Variants in UBE2L6 observed in about 807,000 individuals in gnomAD.
The protein encoded by UBE2L6 is ubiquitin conjugating enzyme E2 L6.
A neutral mutation model predicts 13.6 loss-of-function variants in UBE2L6; 11 were observed. That is an observed-to-expected ratio of 0.81 (90% confidence interval 0.51 to 1.34). The LOEUF is 1.34. UBE2L6 is among the 40% of genes most tolerant of loss of function. The pLI, the probability that UBE2L6 is intolerant of heterozygous loss-of-function variation, is 0.00. For synonymous variants in UBE2L6, 74 were observed against 83.2 expected, an observed-to-expected ratio of 0.89 and a Z score of 0.60; for missense variants, 197 against 199.5, an observed-to-expected ratio of 0.99 and a Z score of 0.07.
chr11:57,562,548 C>A (rs1945055257), intron 1 of UBE2L6, among the ~76,000 whole-genome samples: 1 of 152,230 alleles, frequency 6.6e-6, no homozygotes, highest in Admixed American at 6.5e-5. Flanking sequence ...TGGCTTCAGG[C>A]CTGACCCAGT....
chr11:57,566,890 T>G lies in UBE2L6; in HGVS notation c.27+695A>C, dbSNP rs1590812416. The G allele has an allele frequency of 9.5e-6, 4 of 421,382 alleles. No homozygotes were observed. The East Asian group carries it at 2.1e-4, about 23-fold the overall frequency. The allele number at this position is 421,382 out of a possible 1,614,324, so 26.1% of individuals were successfully genotyped here. ...CATCCTTCCAGATCTTATTTCAAAT[T>G]GTGTCCCTGATAGGAACAAAATTCA... On this transcript the variant is annotated intron_variant, in intron 1 of 3. Coordinates refer to ENST00000287156, the MANE Select transcript of UBE2L6 (RefSeq NM_004223.5).
chr11:57,554,134 C>G (rs953101226), intron 3 of UBE2L6, among the ~76,000 whole-genome samples: 2 of 152,144 alleles, frequency 1.3e-5, no homozygotes, highest in African/African-American at 4.8e-5. Flanking sequence ...GAAAACTTGC[C>G]CAAAGTCCAC....
intron 1 of UBE2L6, 138 bp downstream of exon 1, chr11:57,567,447 G>T (rs1945101480): frequency 2.4e-6 from 3 of 1,240,052 alleles, no homozygotes; most frequent in East Asian, 2.6e-5. Flanking sequence ...AGAGGGCGGG[G>T]AGGACAGGGA....
intron 2 of UBE2L6, among the ~76,000 whole-genome samples, chr11:57,559,773 GAA>G (rs34890600): frequency 2.0e-5 from 3 of 152,034 alleles, no homozygotes; most frequent in African/African-American, 7.2e-5. Context: ...ATAATCGGAT[GAA>G]AAAAAGAGAG....
intron 2 of UBE2L6, among the ~76,000 whole-genome samples, chr11:57,555,578 GTGTT>G (rs201296116): frequency 0.029 from 4,341 of 152,278 alleles, 79 homozygotes; most frequent in Non-Finnish European, 0.044. Context: ...GCAACAATGT[GTGTT>G]TGTTTGTTTA....
intron 1 of UBE2L6, among the ~76,000 whole-genome samples, chr11:57,563,061 C>T (rs1228293951): frequency 6.6e-6 from 1 of 152,152 alleles, no homozygotes; most frequent in Non-Finnish European, 1.5e-5. Context: ...ACAGAGAAAT[C>T]AAAATAGCTG....
intron 1 of UBE2L6, among the ~76,000 whole-genome samples, chr11:57,563,775 G>A (rs1411249236): frequency 3.3e-5 from 5 of 151,450 alleles, no homozygotes; most frequent in Middle Eastern, 3.4e-3. Flanking sequence ...GGTGGTGGGC[G>A]CCTGTAGTCC....
chr11:57,566,956 C>CG lies in UBE2L6; in HGVS notation c.27+628_27+629insC, dbSNP rs1565161828. ...GTGTTCATCTCTGCCCGCCCCCCCC[C>CG]CCCTCCTAGAACAGGGCCAGCACAT... On this transcript the variant is annotated intron_variant, in intron 1 of 3. Coordinates refer to ENST00000287156, the MANE Select transcript of UBE2L6 (RefSeq NM_004223.5). 6.7e-3 allele frequency: 1,416 copies of CG among 212,642 alleles called. 3 individuals carry two copies. The highest frequency in any genetic ancestry group is 0.011 in the Middle Eastern group (17 of 1,526). 13.2% of individuals were successfully genotyped at this position (212,642 alleles called of 1,614,324 possible).
chr11:57,552,354 T>C lies in UBE2L6; in HGVS notation c.*4A>G, dbSNP rs1944965322. 17 of 1,614,066 alleles carry C rather than the reference T, an allele frequency of 1.1e-5. No individual in the cohort carries two copies. The South Asian group carries it at 1.4e-4, about 14-fold the overall frequency. ...ATCCAGTGCACAGAGGGTCAGAACA[T>C]GAGTTAGGAGGGCCGGTCCACTCCG... On this transcript the variant is annotated 3_prime_UTR_variant, in exon 4 of 4. Coordinates refer to ENST00000287156, the MANE Select transcript of UBE2L6 (RefSeq NM_004223.5).
At chr11:57,565,137 G>A (rs934728067) in intron 1 of UBE2L6, among the ~76,000 whole-genome samples, 12 of 151,816 alleles carry the variant, frequency 7.9e-5, no homozygotes, top group African/African-American at 2.7e-4. Context: ...AGCTACTCAG[G>A]AGGCTGAGGC....
intron 1 of UBE2L6, among the ~76,000 whole-genome samples, chr11:57,561,612 A>C (rs1384315549): frequency 6.6e-6 from 1 of 152,210 alleles, no homozygotes; most frequent in African/African-American, 2.4e-5. Flanking sequence ...CAGATGGGAA[A>C]CATAAGTACA....
At chr11:57,557,395 C>CTTTTTTT (rs35413834) in intron 2 of UBE2L6, among the ~76,000 whole-genome samples, 1 of 131,744 alleles carries the variant, frequency 7.6e-6, no homozygotes. Flanking sequence ...TGCCATGCTT[C>CTTTTTTT]TTTTTTTTTT....
chr11:57,567,878 C>T (rs892792281), upstream of UBE2L6: 24 of 410,848 alleles, frequency 5.8e-5, no homozygotes, highest in Middle Eastern at 6.5e-4. Flanking sequence ...GGGCGGGCCT[C>T]GGGGCGCACG....
intron 1 of UBE2L6, among the ~76,000 whole-genome samples, chr11:57,566,650 G>A (rs1460907156): frequency 1.3e-5 from 2 of 152,150 alleles, no homozygotes; most frequent in Non-Finnish European, 2.9e-5. Context: ...GGCCAAGCCT[G>A]CTCTGGGCAT....
At chr11:57,557,060 C>CTT (rs943846021) in intron 2 of UBE2L6, among the ~76,000 whole-genome samples, 1 of 149,346 alleles carries the variant, frequency 6.7e-6, no homozygotes, top group Non-Finnish European at 1.5e-5. Context: ...GAGTGAGACT[C>CTT]TGTCACCAAA....
At chr11:57,565,274 G>A (rs979509509) in intron 1 of UBE2L6, among the ~76,000 whole-genome samples, 2 of 145,620 alleles carry the variant, frequency 1.4e-5, no homozygotes, top group Non-Finnish European at 3.0e-5. Flanking sequence ...AAGGGAGAGA[G>A]AAAGAAAGAA....
chr11:57,567,911 G>T, upstream of UBE2L6: 1 of 356,724 alleles, frequency 2.8e-6, no homozygotes, highest in Non-Finnish European at 5.0e-6. Flanking sequence ...CCTGCCTCCC[G>T]CGGGGTGCGC....
intron 1 of UBE2L6, among the ~76,000 whole-genome samples, chr11:57,565,327 G>C (rs912444199): frequency 1.4e-5 from 2 of 147,196 alleles, no homozygotes; most frequent in Admixed American, 6.8e-5. Context: ...GCGGAAAGAC[G>C]AAGTTAAAGT....
intron 1 of UBE2L6, among the ~76,000 whole-genome samples, chr11:57,563,577 G>C (rs1473138760): frequency 6.6e-6 from 1 of 151,096 alleles, no homozygotes; most frequent in East Asian, 1.9e-4. Flanking sequence ...AGAAGAACTA[G>C]AGTGTTTAAA....
Sources: gnomAD v4.1 joint callset for allele counts (sites outside exome capture counted in the v4.1 genomes callset) on GRCh38, gnomAD v4.1.1 for gene constraint, MANE v1.5 for transcripts, NCBI Gene and HGNC (gene_info 2026-07-23, HGNC 2026-07-21) for gene names.